The following CGGBP1 variants were observed in gnomAD, a reference collection of about 807,000 sequenced individuals.
CGGBP1 encodes the protein CGG triplet repeat-binding protein 1.
Under a neutral mutation model 11.4 loss-of-function variants are expected in CGGBP1, and 4 were observed. That is an observed-to-expected ratio of 0.35 (90% CI 0.17 to 0.80). CGGBP1 has a LOEUF of 0.80. CGGBP1 is among the 30% of genes least tolerant of loss of function. The pLI, the probability that CGGBP1 is intolerant of heterozygous loss-of-function variation, is 0.52. For missense variants in CGGBP1, 135 were observed against 202.1 expected (o/e 0.67, Z 2.01); for synonymous variants, 76 against 74.1 (o/e 1.03, Z -0.13).
At chr3:88,115,840 A>G (rs6551272) in intron 2 of CGGBP1, among the ~76,000 whole-genome samples, 119,094 of 151,962 alleles carry the variant, frequency 0.78, 47,587 homozygotes, top group South Asian at 0.91. Flanking sequence ...GAGATTCCCA[A>G]TGAAGTGACA....
At chr3:88,088,113 A>T (rs1267540150) in intron 2 of CGGBP1, among the ~76,000 whole-genome samples, 1 of 152,230 alleles carries the variant, frequency 6.6e-6, no homozygotes, top group Admixed American at 6.5e-5. Context: ...ATATAAATTA[A>T]ATAACCTTGG....
intron 2 of CGGBP1, among the ~76,000 whole-genome samples, chr3:88,122,608 T>C (rs1705835340): frequency 6.6e-6 from 1 of 152,186 alleles, no homozygotes; most frequent in Admixed American, 6.5e-5. Context: ...GGGGATTATA[T>C]TTAGCACAGT....
chr3:88,077,186 G>A (rs9310069), intron 2 of CGGBP1, among the ~76,000 whole-genome samples: 142,537 of 152,220 alleles, frequency 0.94, 67,333 homozygotes, highest in Non-Finnish European at 1. Context: ...ATCAGAATAG[G>A]GGAGGAGGAT....
chr3:88,080,111 A>C (rs1294426663), intron 2 of CGGBP1, among the ~76,000 whole-genome samples: 1 of 152,064 alleles, frequency 6.6e-6, no homozygotes, highest in Non-Finnish European at 1.5e-5. Context: ...CTGTTCAGGC[A>C]TGTAGCATTT....
At chr3:88,061,604 T>C (rs1364968676), upstream of CGGBP1, among the ~76,000 whole-genome samples, 4 of 152,180 alleles carry the variant, frequency 2.6e-5, no homozygotes, top group Non-Finnish European at 5.9e-5. Context: ...TCCTTTTTTA[T>C]ATTAAAGCTT....
chr3:88,081,581 A>G (rs1313436604), intron 2 of CGGBP1, among the ~76,000 whole-genome samples: 2 of 152,194 alleles, frequency 1.3e-5, no homozygotes, highest in African/African-American at 4.8e-5. Flanking sequence ...CATATATTTA[A>G]TTTATTGTAT....
At chr3:88,129,067 C>G (rs1210196710) in intron 2 of CGGBP1, 2 of 1,036,560 alleles carry the variant, frequency 1.9e-6, no homozygotes, top group East Asian at 3.5e-5. Flanking sequence ...AAAAAAAAAC[C>G]AAAAAAAAAA....
chr3:88,141,992 A>C (rs1424698394), intron 1 of CGGBP1: 1 of 207,240 alleles, frequency 4.8e-6, no homozygotes, highest in Non-Finnish European at 9.3e-6. Flanking sequence ...AGAAAGGGAA[A>C]AATTAACCCA....
At chr3:88,132,863 G>A (rs1487364983) in intron 2 of CGGBP1, among the ~76,000 whole-genome samples, 4 of 152,198 alleles carry the variant, frequency 2.6e-5, no homozygotes, top group Non-Finnish European at 5.9e-5. Flanking sequence ...GTTGGAATTT[G>A]TACTAGTTAG....
chr3:88,099,189 T>C (rs1000621905), intron 2 of CGGBP1, among the ~76,000 whole-genome samples: 1 of 151,904 alleles, frequency 6.6e-6, no homozygotes, highest in Non-Finnish European at 1.5e-5. Context: ...TCTACACCAA[T>C]AACAGACAGA....
At chr3:88,079,794 T>C (rs1707990278) in intron 2 of CGGBP1, among the ~76,000 whole-genome samples, 1 of 152,086 alleles carries the variant, frequency 6.6e-6, no homozygotes, top group South Asian at 2.1e-4. Flanking sequence ...TACATTAATG[T>C]TGTATAAATA....
intron 2 of CGGBP1, among the ~76,000 whole-genome samples, chr3:88,074,466 C>A: frequency 6.6e-6 from 1 of 151,930 alleles, no homozygotes; most frequent in South Asian, 2.1e-4. Flanking sequence ...CTCAGCCTCC[C>A]AAGTAGCTGG....
rs113808563 is a variant in CGGBP1 at position 88,121,737 on chromosome 3, T to A, written c.-229+19233A>T. On this transcript the variant is annotated intron_variant, in intron 2 of 3. Transcript: ENST00000462901. ...CATTTCAAAGTATTATAAAGACTAC[T>A]GTATTTCAAAGATTACGTTTTTATA... Among the ~76,000 whole-genome samples, 366 of 152,328 alleles carry A rather than the reference T, an allele frequency of 2.4e-3. 2 individuals are homozygous for A. Among genetic ancestry groups the A allele is most frequent in the African/African-American group, 8.4e-3 (351 of 41,572 alleles).
At position 88,135,724 on chromosome 3, in the gene CGGBP1, C is replaced by CT. The variant is rs1252456991; in HGVS notation, c.-229+5245dup. Among the ~76,000 whole-genome samples the CT allele has an allele frequency of 5.9e-5, 9 of 152,174 alleles. No individual in the cohort carries two copies. In the East Asian group the frequency reaches 1.7e-3, roughly 29 times the overall value. On this transcript the variant is annotated intron_variant, in intron 2 of 3. Transcript: ENST00000462901. ...CCTGAGTCAAGTTTTACTTGGGCCACTTGCAAGTGAGTACAATCCTACATG... is the reference window on the plus strand; with the variant it reads ...CCTGAGTCAAGTTTTACTTGGGCCACTTTGCAAGTGAGTACAATCCTACATG...
At chr3:88,099,156 T>C in intron 2 of CGGBP1, among the ~76,000 whole-genome samples, 1 of 152,288 alleles carries the variant, frequency 6.6e-6, no homozygotes, top group African/African-American at 2.4e-5. Flanking sequence ...ACAAAATCAA[T>C]GTGCAAAAAT....
Position 88,053,993 on chromosome 3 carries a change from G to C in CGGBP1, c.*1480C>G, listed in dbSNP as rs1420672654. ...ATGGCCAGTTTGACAACCTGAATTA[G>C]AAACTTAAGTCTGTAAAAAAATCTT... On this transcript the variant is annotated 3_prime_UTR_variant, in exon 4 of 4. Coordinates refer to ENST00000482016, the MANE Select transcript of CGGBP1 (RefSeq NM_001008390.2). The C allele has an allele frequency of 2.6e-5, 4 of 152,500 alleles. No homozygotes were observed. Among genetic ancestry groups the C allele is most frequent in the African/African-American group, 9.7e-5 (4 of 41,422 alleles). The allele number at this position is 152,500 out of a possible 1,614,324, so 9.4% of individuals were successfully genotyped here. A position where few individuals can be genotyped will look rare whatever the true frequency, so the allele number is the denominator to read the frequency against.
intron 2 of CGGBP1, among the ~76,000 whole-genome samples, chr3:88,086,560 C>T (rs1225156959): frequency 6.6e-6 from 1 of 152,098 alleles, no homozygotes; most frequent in East Asian, 1.9e-4. Context: ...TAATTTTGAA[C>T]ATGTAACCAT....
chr3:88,085,508 G>A (rs756206898), intron 2 of CGGBP1, among the ~76,000 whole-genome samples: 2 of 152,250 alleles, frequency 1.3e-5, no homozygotes, highest in Admixed American at 1.3e-4. Context: ...AATCAGGCAG[G>A]CAGGCAGTAG....
At chr3:88,084,050 G>A (rs565246698) in intron 2 of CGGBP1, among the ~76,000 whole-genome samples, 8 of 151,906 alleles carry the variant, frequency 5.3e-5, no homozygotes, top group African/African-American at 1.9e-4. Context: ...AATGTAAAAC[G>A]GTATCTAAAT....
Sources: allele counts gnomAD v4.1 joint callset (sites outside exome capture counted in the v4.1 genomes callset), GRCh38; gene constraint gnomAD v4.1.1; transcripts MANE v1.5; gene names NCBI Gene and HGNC (gene_info 2026-07-23, HGNC 2026-07-21).